RERG: variants seen among roughly 807,000 people sequenced by gnomAD.
RERG encodes RAS like estrogen regulated growth inhibitor.
A neutral mutation model predicts 23.2 loss-of-function variants in RERG; 25 were observed. That is an observed-to-expected ratio of 1.08 (90% confidence interval 0.79 to 1.50). The LOEUF (loss-of-function observed/expected upper bound fraction) is 1.50, where lower values mean the gene tolerates loss of function less well. Among genes scored for constraint, RERG ranks in the 40% most tolerant of loss-of-function variants. RERG has a pLI of 0.00. For missense variants in RERG, 253 were observed against 250.1 expected (o/e 1.01, Z -0.08); for synonymous variants, 81 against 89.1 (o/e 0.91, Z 0.51).
At chr12:15,115,055 A>G (rs867911601) in intron 3 of RERG, among the ~76,000 whole-genome samples, 2 of 152,240 alleles carry the variant, frequency 1.3e-5, no homozygotes, top group African/African-American at 4.8e-5. Context: ...GGAAAAATGC[A>G]TGGATCTTAA....
At chr12:15,189,639 A>G (rs942002047) in intron 2 of RERG, among the ~76,000 whole-genome samples, 1 of 152,052 alleles carries the variant, frequency 6.6e-6, no homozygotes, top group Non-Finnish European at 1.5e-5. Flanking sequence ...TCTTTTGTTC[A>G]TTGCTATATT....
In RERG at chr12:15,217,575, C is replaced by G. The variant is rs1322330313; in HGVS notation, c.-86G>C. 7.5e-6 allele frequency: 7 copies of G among 938,836 alleles called. No individual in the cohort carries two copies. The highest frequency in any genetic ancestry group is 1.2e-5 in the Non-Finnish European group (7 of 569,664). The allele number at this position is 938,836 out of a possible 1,614,324, so 58.2% of individuals were successfully genotyped here. A position where few individuals can be genotyped will look rare whatever the true frequency, so the allele number is the denominator to read the frequency against. ...GTTCCAGTCTTTGGATTCACCATAT[C>G]ATTGTGAATCTTGGAAGAGTCCACA... On this transcript the variant is annotated 5_prime_UTR_variant, in exon 2 of 5. The change abolishes an upstream ATG in the 5' untranslated region. Transcript: ENST00000256953.
chr12:15,132,387 T>A (rs146460967), intron 2 of RERG, among the ~76,000 whole-genome samples: 52 of 152,338 alleles, frequency 3.4e-4, no homozygotes, highest in African/African-American at 1.2e-3. Flanking sequence ...CTTATTTCCT[T>A]TTATTGCTGA....
Position 15,132,389 on chromosome 12 carries a change from T to C in RERG, c.62-11270A>G, listed in dbSNP as rs933051563. On this transcript the variant is annotated intron_variant, in intron 2 of 4. Transcript: ENST00000256953. ...CCTGGATTGATCACTTATTTCCTTT[T>C]ATTGCTGAATATTCTATTGTATAGA... 5.3e-5 allele frequency among the ~76,000 whole-genome samples: 8 copies of C among 152,374 alleles called. No homozygotes were observed. In the East Asian group the frequency reaches 1.5e-3, roughly 29 times the overall value.
chr12:15,110,115 T>A (rs2136081577), intron 4 of RERG, among the ~76,000 whole-genome samples: 1 of 152,116 alleles, frequency 6.6e-6, no homozygotes, highest in East Asian at 1.9e-4. Flanking sequence ...GCCCCCAAAA[T>A]GTCGTGTAGT....
At chr12:15,213,197 A>G (rs1348334627) in intron 2 of RERG, among the ~76,000 whole-genome samples, 1 of 152,234 alleles carries the variant, frequency 6.6e-6, no homozygotes, top group Non-Finnish European at 1.5e-5. Flanking sequence ...GTGAAGCTAA[A>G]TTTACAATTT....
At chr12:15,118,390 C>A (rs1253792645) in intron 3 of RERG, among the ~76,000 whole-genome samples, 1 of 152,078 alleles carries the variant, frequency 6.6e-6, no homozygotes, top group African/African-American at 2.4e-5. Flanking sequence ...TAAAAAAAAA[C>A]TGCCCCATGT....
At chr12:15,173,941 C>T (rs972006267) in intron 2 of RERG, among the ~76,000 whole-genome samples, 2 of 151,780 alleles carry the variant, frequency 1.3e-5, no homozygotes, top group Non-Finnish European at 1.5e-5. Flanking sequence ...ATATGGATAC[C>T]TTTTATTTAA....
chr12:15,181,493 G>GGTTTCAAATCCTGGCCCTGCCAC (rs1864921738), intron 2 of RERG, among the ~76,000 whole-genome samples: 1 of 152,190 alleles, frequency 6.6e-6, no homozygotes, highest in Admixed American at 6.5e-5. Context: ...TGGGCTGCTA[G>GGTTTCAAATCCTGGCCCTGCCAC]GTTTCAAATC....
rs1863536660 is a variant in RERG, at chr12:15,108,371, A to G, written c.*739T>C. 1.3e-5 allele frequency: 2 copies of G among 152,466 alleles called. No individual in the cohort carries two copies. The highest frequency in any genetic ancestry group is 2.9e-5 in the Non-Finnish European group (2 of 68,022). 9.4% of individuals were successfully genotyped at this position (152,466 alleles called of 1,614,324 possible). On this transcript the variant is annotated 3_prime_UTR_variant, in exon 5 of 5. Coordinates refer to ENST00000256953, the MANE Select transcript of RERG (RefSeq NM_032918.3). ...GTCAGGGTTTGGTGAAAAGACTTCC[A>G]ATGTTTTTATATCACCCTGACTTGA...
chr12:15,112,531 C>G (rs1863639004), intron 3 of RERG: 1 of 152,132 alleles, frequency 6.6e-6, no homozygotes, highest in East Asian at 1.9e-4. Flanking sequence ...GAGTATGCCC[C>G]TCTTCACATA....
chr12:15,161,999 T>C (rs1864621999), intron 2 of RERG, among the ~76,000 whole-genome samples: 1 of 152,154 alleles, frequency 6.6e-6, no homozygotes, highest in Non-Finnish European at 1.5e-5. Flanking sequence ...GGTAAGGAGA[T>C]TCGAGAGCAT....
At chr12:15,217,680 A>G (rs1865461850) in intron 1 of RERG, 77 bp from the exon 2 acceptor site, 1 of 536,954 alleles carries the variant, frequency 1.9e-6, no homozygotes, top group African/African-American at 1.9e-5. Context: ...ACTATATGCC[A>G]GCCACCATTC....
At chr12:15,185,241 C>A (rs1028696880) in intron 2 of RERG, among the ~76,000 whole-genome samples, 2 of 152,236 alleles carry the variant, frequency 1.3e-5, no homozygotes, top group Non-Finnish European at 2.9e-5. Context: ...ATATTTAGTT[C>A]CTTTGCTCCT....
chr12:15,195,592 T>C (rs1029977152), intron 2 of RERG, among the ~76,000 whole-genome samples: 2 of 150,580 alleles, frequency 1.3e-5, no homozygotes, highest in Non-Finnish European at 3.0e-5. Context: ...TGTGTGTGTG[T>C]GTGTGTGTGC....
intron 1 of RERG, chr12:15,217,944 G>A (rs767201): frequency 0.34 from 54,641 of 160,796 alleles, 9,618 homozygotes; most frequent in African/African-American, 0.43. Context: ...CTATCTGTAA[G>A]CATTCAGTGT....
At chr12:15,155,955 C>G (rs537128866) in intron 2 of RERG, among the ~76,000 whole-genome samples, 1 of 150,270 alleles carries the variant, frequency 6.7e-6, no homozygotes, top group African/African-American at 2.4e-5. Context: ...TGTAACTAAC[C>G]TGCACAAAGT....
chr12:15,114,352 ATTAATATC>A (rs1426114493), intron 3 of RERG, among the ~76,000 whole-genome samples: 1 of 152,232 alleles, frequency 6.6e-6, no homozygotes, highest in Non-Finnish European at 1.5e-5. Context: ...CAAAAAGTTG[ATTAATATC>A]TAAAGTATGA....
intron 4 of RERG, among the ~76,000 whole-genome samples, chr12:15,109,814 A>G (rs1372305204): frequency 1.3e-5 from 2 of 152,216 alleles, no homozygotes; most frequent in Non-Finnish European, 2.9e-5. Flanking sequence ...AAAAGAAATT[A>G]TAATCTTAGT....
Sources: allele counts gnomAD v4.1 joint callset (sites outside exome capture counted in the v4.1 genomes callset), GRCh38; gene constraint gnomAD v4.1.1; transcripts MANE v1.5; gene names NCBI Gene and HGNC (gene_info 2026-07-23, HGNC 2026-07-21).